SORCS1: variants seen among roughly 807,000 people sequenced by gnomAD.
SORCS1 encodes VPS10 domain-containing receptor SorCS1.
Under a neutral mutation model 146.1 loss-of-function variants are expected in SORCS1, and 60 were observed. The observed-to-expected ratio is 0.41, with a 90% CI of 0.33 to 0.51. The LOEUF is 0.51. SORCS1 is among the 20% of genes least tolerant of loss of function. The pLI is 0.21. For synonymous variants in SORCS1, 637 were observed against 584.0 expected (o/e 1.09, Z -1.31); for missense variants, 1,352 against 1,487.6 (o/e 0.91, Z 1.50).
intron 18 of SORCS1, among the ~76,000 whole-genome samples, chr10:106,633,935 C>T (rs2133610427): frequency 6.6e-6 from 1 of 152,282 alleles, no homozygotes; most frequent in Admixed American, 6.5e-5. Context: ...CTGAGGCCCT[C>T]TCATTCTGAT....
chr10:107,138,161 A>G (rs1391958450), intron 1 of SORCS1, among the ~76,000 whole-genome samples: 1 of 152,204 alleles, frequency 6.6e-6, no homozygotes, highest in Non-Finnish European at 1.5e-5. Context: ...TTTAAATAAA[A>G]GAATGAATCC....
At chr10:106,679,764 A>G (rs1247568337) in intron 10 of SORCS1, 30 bp from the exon 11 acceptor site, 1 of 1,516,966 alleles carries the variant, frequency 6.6e-7, no homozygotes, top group Non-Finnish European at 9.1e-7. Context: ...GTGCCACAAA[A>G]TCACATAATC....
intron 2 of SORCS1, among the ~76,000 whole-genome samples, chr10:106,898,355 T>C (rs116154837): frequency 0.013 from 2,018 of 152,300 alleles, 46 homozygotes; most frequent in African/African-American, 0.046. Flanking sequence ...ATTAGATGTC[T>C]GACAGCCAAC....
intron 1 of SORCS1, among the ~76,000 whole-genome samples, chr10:107,087,689 T>C (rs1421584245): frequency 6.6e-6 from 1 of 152,226 alleles, no homozygotes; most frequent in Admixed American, 6.5e-5. Flanking sequence ...GAACCTTATA[T>C]AGGGAAGGTC....
intron 2 of SORCS1, among the ~76,000 whole-genome samples, chr10:106,838,565 A>G (rs546054098): frequency 7.2e-5 from 11 of 152,314 alleles, no homozygotes; most frequent in Non-Finnish European, 4.4e-5. Context: ...CACTCGGTCA[A>G]AAATGCTTGG....
chr10:107,015,125 G>T (rs932128618), intron 1 of SORCS1, among the ~76,000 whole-genome samples: 1 of 152,164 alleles, frequency 6.6e-6, no homozygotes, highest in Non-Finnish European at 1.5e-5. Flanking sequence ...AACAGATTAC[G>T]CTTAACCCTA....
At chr10:106,787,483 A>G (rs956421632) in intron 3 of SORCS1, among the ~76,000 whole-genome samples, 1 of 152,164 alleles carries the variant, frequency 6.6e-6, no homozygotes, top group Non-Finnish European at 1.5e-5. Context: ...TTAAAATTGT[A>G]TTTGCATCTG....
At chr10:106,916,284 A>G (rs1952419969) in intron 2 of SORCS1, among the ~76,000 whole-genome samples, 1 of 152,120 alleles carries the variant, frequency 6.6e-6, no homozygotes, top group South Asian at 2.1e-4. Flanking sequence ...GGTCTAGTAC[A>G]TCAAAGGCAC....
intron 9 of SORCS1, among the ~76,000 whole-genome samples, chr10:106,695,786 T>C (rs924772267): frequency 5.3e-5 from 8 of 152,194 alleles, no homozygotes; most frequent in Non-Finnish European, 1.0e-4. Context: ...CTTGGCTCTC[T>C]TGAATGGAGT....
intron 10 of SORCS1, among the ~76,000 whole-genome samples, chr10:106,682,437 T>C (rs1314234045): frequency 6.6e-6 from 1 of 152,216 alleles, no homozygotes; most frequent in Non-Finnish European, 1.5e-5. Context: ...GGAAGTAACA[T>C]AGTCTACACA....
chr10:106,797,269 G>A (rs1946618739), intron 3 of SORCS1, among the ~76,000 whole-genome samples: 1 of 152,136 alleles, frequency 6.6e-6, no homozygotes, highest in East Asian at 1.9e-4. Context: ...GCATCAAAGT[G>A]TTTCAAAAAC....
At chr10:106,885,028 G>C (rs1950942476) in intron 2 of SORCS1, among the ~76,000 whole-genome samples, 1 of 152,158 alleles carries the variant, frequency 6.6e-6, no homozygotes, top group Non-Finnish European at 1.5e-5. Flanking sequence ...GATAAAGACT[G>C]ATAAAATCAT....
At chr10:106,733,811 A>G (rs1422234886) in intron 5 of SORCS1, among the ~76,000 whole-genome samples, 1 of 152,208 alleles carries the variant, frequency 6.6e-6, no homozygotes, top group Non-Finnish European at 1.5e-5. Context: ...GGTATTAAGT[A>G]TAAGGGATTG....
At chr10:106,589,745 C>T (rs760040379) in intron 24 of SORCS1, among the ~76,000 whole-genome samples, 4 of 150,498 alleles carry the variant, frequency 2.7e-5, no homozygotes, top group Admixed American at 1.3e-4. Flanking sequence ...GTCTCCATCT[C>T]GACTAAACAA....
chr10:106,737,511 G>T (rs3982435), intron 5 of SORCS1, among the ~76,000 whole-genome samples: 118,198 of 151,710 alleles, frequency 0.78, 46,992 homozygotes, highest in Non-Finnish European at 0.87. Context: ...GATCACTTGA[G>T]GTTGGAAGTT....
At chr10:106,837,194 T>A (rs1948823121) in intron 2 of SORCS1, among the ~76,000 whole-genome samples, 1 of 152,134 alleles carries the variant, frequency 6.6e-6, no homozygotes, top group Non-Finnish European at 1.5e-5. Context: ...CTAGCTTCAT[T>A]ATAATCCAAT....
intron 1 of SORCS1, among the ~76,000 whole-genome samples, chr10:106,965,314 C>T (rs569600243): frequency 6.6e-6 from 1 of 152,204 alleles, no homozygotes; most frequent in East Asian, 1.9e-4. Flanking sequence ...GGCAAAACTC[C>T]CTTTACCCTC....
chr10:106,925,507 C>G (rs1952970077), intron 2 of SORCS1, among the ~76,000 whole-genome samples: 1 of 152,212 alleles, frequency 6.6e-6, no homozygotes, highest in Admixed American at 6.5e-5. Flanking sequence ...AGCTTGCTTA[C>G]TGATATGTAA....
In SORCS1 at chr10:106,918,225, A is replaced by G. The variant is rs532911173; in HGVS notation, c.626+38288T>C. 3.9e-5 allele frequency among the ~76,000 whole-genome samples: 6 copies of G among 152,214 alleles called. No homozygotes were observed. In the East Asian group the frequency reaches 1.2e-3, roughly 29 times the overall value. ...GCCCAGGCTGGAGTGCAGTGGTGCGATTTCAGCTCACTGCAAGCTCTGCCT... is the reference window on the plus strand; with the variant it reads ...GCCCAGGCTGGAGTGCAGTGGTGCGGTTTCAGCTCACTGCAAGCTCTGCCT... On this transcript the variant is annotated intron_variant, in intron 2 of 25. Transcript: ENST00000263054.
Sources: gnomAD v4.1 joint callset for allele counts (sites outside exome capture counted in the v4.1 genomes callset) on GRCh38, gnomAD v4.1.1 for gene constraint, MANE v1.5 for transcripts, NCBI Gene and HGNC (gene_info 2026-07-23, HGNC 2026-07-21) for gene names.